The following BNIP1 variants were observed in gnomAD, a reference collection of about 807,000 sequenced individuals.
BNIP1 encodes BCL2 interacting protein 1, also known as vesicle transport protein SEC20.
A neutral mutation model predicts 28.5 loss-of-function variants in BNIP1; 25 were observed. The observed-to-expected ratio is 0.88, with a 90% CI of 0.64 to 1.23. The LOEUF (loss-of-function observed/expected upper bound fraction) is 1.23. BNIP1 is among the 50% of genes most tolerant of loss of function. The pLI is 0.00. For missense variants in BNIP1, 276 were observed against 277.0 expected, an observed-to-expected ratio of 1.00 and a Z score of 0.02; for synonymous variants, 118 against 101.7, an observed-to-expected ratio of 1.16 and a Z score of -0.96.
At chr5:173,149,666 T>G (rs1172025892) in intron 2 of BNIP1, among the ~76,000 whole-genome samples, 1 of 152,058 alleles carries the variant, frequency 6.6e-6, no homozygotes, top group Non-Finnish European at 1.5e-5. Flanking sequence ...TTAATTGGCT[T>G]AAGGTTCTGC....
intron 3 of BNIP1, 41 bp downstream of exon 3, chr5:173,154,454 T>C: frequency 6.6e-7 from 1 of 1,512,012 alleles, no homozygotes; most frequent in Non-Finnish European, 9.1e-7. Flanking sequence ...CTGCTGGCTC[T>C]TCTTGTTGCC....
At chr5:173,145,677 A>G (rs1759814403) in intron 1 of BNIP1, among the ~76,000 whole-genome samples, 1 of 152,254 alleles carries the variant, frequency 6.6e-6, no homozygotes, top group Non-Finnish European at 1.5e-5. Flanking sequence ...TGCTGGGATT[A>G]CAGGCGTGAG....
chr5:173,156,409 G>A (rs983839612), intron 3 of BNIP1, among the ~76,000 whole-genome samples: 8 of 152,036 alleles, frequency 5.3e-5, no homozygotes, highest in East Asian at 1.9e-4. Context: ...TTCGGGGGCC[G>A]AGGCAGGAGG....
At chr5:173,156,519 C>T (rs1057136063) in intron 3 of BNIP1, among the ~76,000 whole-genome samples, 1 of 152,000 alleles carries the variant, frequency 6.6e-6, no homozygotes, top group African/African-American at 2.4e-5. Flanking sequence ...TGATGTGTGC[C>T]TGTAGTCTCA....
At chr5:173,146,112 A>G (rs1040878654) in intron 1 of BNIP1, among the ~76,000 whole-genome samples, 9 of 152,242 alleles carry the variant, frequency 5.9e-5, no homozygotes, top group African/African-American at 2.2e-4. Flanking sequence ...GACTGATTAT[A>G]GCTGGATGTA....
At chr5:173,145,207 A>T (rs935731496) in intron 1 of BNIP1, among the ~76,000 whole-genome samples, 6 of 152,188 alleles carry the variant, frequency 3.9e-5, no homozygotes, top group African/African-American at 1.4e-4. Context: ...TGGGACCTGG[A>T]CTGTGAAAGT....
chr5:173,152,540 G>A (rs1315197969), intron 2 of BNIP1, among the ~76,000 whole-genome samples: 3 of 151,994 alleles, frequency 2.0e-5, no homozygotes, highest in African/African-American at 7.2e-5. Context: ...TAGTGGAGAC[G>A]GGGTTTCACC....
chr5:173,148,178 G>A (rs182939346), intron 2 of BNIP1, among the ~76,000 whole-genome samples: 48 of 133,600 alleles, frequency 3.6e-4, no homozygotes, highest in Middle Eastern at 4.3e-3. Context: ...TGCTTGAGCT[G>A]GTCTTAAACT....
rs1243032028 is a variant in BNIP1 at position 173,144,598 on chromosome 5, A to G, written c.53A>G (p.Lys18Arg). 1.2e-6 allele frequency: 2 copies of G among 1,614,066 alleles called. No individual in the cohort carries two copies. Among genetic ancestry groups the G allele is most frequent in the African/African-American group, 1.3e-5 (1 of 74,998 alleles). ...HVRICNQEIVKFDLEVKALIQ... is the reference protein window; with the variant it reads ...HVRICNQEIVRFDLEVKALIQ... ...CGGATCTGTAACCAAGAGATTGTCA[A>G]ATTTGACCTGGAGGTGAAGGCGCTT... Residue 18 changes from lysine to arginine, a missense_variant, in exon 1 of 6, where the codon AAA becomes AGA. Coordinates refer to ENST00000351486, the MANE Select transcript of BNIP1 (RefSeq NM_001205.3).
At chr5:173,146,289 T>C (rs1759833597) in intron 1 of BNIP1, among the ~76,000 whole-genome samples, 1 of 152,232 alleles carries the variant, frequency 6.6e-6, no homozygotes, top group Non-Finnish European at 1.5e-5. Flanking sequence ...ACAGCCAGGA[T>C]TCGAATCCAC....
chr5:173,150,179 A>G (rs1397712872), intron 2 of BNIP1, among the ~76,000 whole-genome samples: 1 of 150,720 alleles, frequency 6.6e-6, no homozygotes, highest in Non-Finnish European at 1.5e-5. Flanking sequence ...AATTGCTTGA[A>G]CCTGGGAGTT....
At chr5:173,152,353 C>CT (rs1331059776) in intron 2 of BNIP1, among the ~76,000 whole-genome samples, 328 of 145,466 alleles carry the variant, frequency 2.3e-3, no homozygotes, top group African/African-American at 4.5e-3. Flanking sequence ...AATTTACATT[C>CT]TTTTTTTTTT....
chr5:173,149,057 C>T (rs989995695), intron 2 of BNIP1, among the ~76,000 whole-genome samples: 1 of 152,110 alleles, frequency 6.6e-6, no homozygotes, highest in Non-Finnish European at 1.5e-5. Flanking sequence ...CAGGAGGTAC[C>T]TGAGTGTGGA....
chr5:173,156,101 A>T (rs1180288225), intron 3 of BNIP1, among the ~76,000 whole-genome samples: 1 of 152,198 alleles, frequency 6.6e-6, no homozygotes, highest in Non-Finnish European at 1.5e-5. Context: ...AGGCCAGTGT[A>T]AGCAGGGAGG....
At chr5:173,145,389 C>A (rs943370568) in intron 1 of BNIP1, among the ~76,000 whole-genome samples, 1 of 152,146 alleles carries the variant, frequency 6.6e-6, no homozygotes, top group Non-Finnish European at 1.5e-5. Context: ...AGTTTTAAAC[C>A]TTGTTTTTGC....
rs762658559 is a variant in BNIP1, at chr5:173,154,429, C to T, written c.269+16C>T. The T allele has an allele frequency of 8.5e-5, 136 of 1,602,276 alleles. No individual in the cohort carries two copies. The highest frequency in any genetic ancestry group is 1.1e-4 in the Non-Finnish European group (126 of 1,172,538). ...AGATGCTCAGGTAGGCAGGGCCTGC[C>T]CCCGCCAGCGGCTTCTGCTGGCTCT... On this transcript the variant is annotated intron_variant, in intron 3 of 5. Transcript: ENST00000351486.
At chr5:173,157,341 A>G (rs1339001064) in intron 3 of BNIP1, among the ~76,000 whole-genome samples, 3 of 152,298 alleles carry the variant, frequency 2.0e-5, no homozygotes, top group Non-Finnish European at 4.4e-5. Flanking sequence ...CTGGCTACAT[A>G]AGAGTTCTGA....
At position 173,155,825 on chromosome 5, in the gene BNIP1, T is replaced by C. The variant is rs186606569; in HGVS notation, c.269+1412T>C. Among the ~76,000 whole-genome samples, 156 of 152,316 alleles carry C rather than the reference T, an allele frequency of 1.0e-3. 2 individuals are homozygous for C. The highest frequency in any genetic ancestry group is 2.9e-4 in the Non-Finnish European group (20 of 68,020). The stretch of plus-strand genomic sequence containing the variant: ...AGGAACTCCTGGGCTCAAGCGATCC[T>C]CTCACCTCAGCTTCCCAAGTAGTTG... On this transcript the variant is annotated intron_variant, in intron 3 of 5. Transcript: ENST00000351486.
chr5:173,150,133 C>G (rs549263203), intron 2 of BNIP1, among the ~76,000 whole-genome samples: 3 of 152,048 alleles, frequency 2.0e-5, no homozygotes, highest in Non-Finnish European at 4.4e-5. Context: ...TGACCCGTGC[C>G]TGTAATCCCA....
Sources: gnomAD v4.1 joint callset for allele counts (sites outside exome capture counted in the v4.1 genomes callset) on GRCh38, gnomAD v4.1.1 for gene constraint, MANE v1.5 for transcripts, NCBI Gene and HGNC (gene_info 2026-07-23, HGNC 2026-07-21) for gene names.